Variants in NCALD observed in about 807,000 individuals in gnomAD.
The protein encoded by NCALD is neurocalcin-delta.
In NCALD, 10 loss-of-function variants were observed where a neutral mutation model predicts 18.6. The ratio of observed to expected loss-of-function variants is 0.54; its 90% confidence interval spans 0.33 to 0.91. The LOEUF (loss-of-function observed/expected upper bound fraction) is 0.91. Among genes scored for constraint, NCALD ranks in the 40% least tolerant of loss-of-function variants. NCALD has a pLI of 0.03. For missense variants in NCALD, 184 were observed against 247.6 expected, an observed-to-expected ratio of 0.74 and a Z score of 1.72; for synonymous variants, 88 against 87.4, an observed-to-expected ratio of 1.01 and a Z score of -0.04.
chr8:101,796,921 T>C (rs1812658588), intron 4 of NCALD, among the ~76,000 whole-genome samples: 1 of 152,204 alleles, frequency 6.6e-6, no homozygotes. Flanking sequence ...TAGATGCATT[T>C]TCTGATTGCC....
At chr8:101,964,768 T>A (rs967253915) in intron 2 of NCALD, among the ~76,000 whole-genome samples, 3 of 152,324 alleles carry the variant, frequency 2.0e-5, no homozygotes, top group African/African-American at 7.2e-5. Context: ...AGTCAAGGAT[T>A]CGCCTAATTT....
rs888011540 is a variant in NCALD, at chr8:102,050,839, AT to A, written c.-209-30551del. ...CATTTTTAATTTAATTAATTTAATCATTTTTAATTTAATTAATTAATTTAAT... is the reference window on the plus strand; with the variant it reads ...CATTTTTAATTTAATTAATTTAATCATTTTAATTTAATTAATTAATTTAAT... On this transcript the variant is annotated intron_variant, in intron 1 of 6. Coordinates refer to the NCALD transcript ENST00000311028. Among the ~76,000 whole-genome samples, 24 of 145,984 alleles carry A rather than the reference AT, an allele frequency of 1.6e-4. No homozygotes were observed. In the East Asian group the frequency reaches 4.3e-3, roughly 26 times the overall value.
rs147366762 is a variant in NCALD at position 101,816,143 on chromosome 8, G to T, written c.-20+70998C>A. Among the ~76,000 whole-genome samples, 3 of 152,104 alleles carry T rather than the reference G, an allele frequency of 2.0e-5. No individual in the cohort carries two copies. In the East Asian group the frequency reaches 5.8e-4, roughly 29 times the overall value. On this transcript the variant is annotated intron_variant, in intron 4 of 6. Coordinates refer to the NCALD transcript ENST00000311028. ...AGTGGTTTCCAGAGGGTCAGAGGGAGGCGGATTTACATAGATGGAGCAGAG... is the reference window on the plus strand; with the variant it reads ...AGTGGTTTCCAGAGGGTCAGAGGGATGCGGATTTACATAGATGGAGCAGAG...
At chr8:101,869,702 G>C (rs1306860440) in intron 4 of NCALD, among the ~76,000 whole-genome samples, 1 of 152,072 alleles carries the variant, frequency 6.6e-6, no homozygotes, top group Admixed American at 6.5e-5. Flanking sequence ...TCAAAGTACT[G>C]TTTTAATAGA....
At chr8:101,749,576 T>C (rs1237701952) in intron 1 of NCALD, among the ~76,000 whole-genome samples, 3 of 152,104 alleles carry the variant, frequency 2.0e-5, no homozygotes, top group African/African-American at 4.8e-5. Context: ...ACCTGCAAAA[T>C]AGGGATAATA....
chr8:102,036,328 T>C (rs1364441109), intron 1 of NCALD, among the ~76,000 whole-genome samples: 1 of 150,444 alleles, frequency 6.6e-6, no homozygotes. Flanking sequence ...TAATACTTAA[T>C]ATATATATCA....
intron 2 of NCALD, among the ~76,000 whole-genome samples, chr8:101,952,516 T>C (rs1459635623): frequency 1.3e-5 from 2 of 152,180 alleles, no homozygotes; most frequent in Non-Finnish European, 2.9e-5. Context: ...TCAGCCCTCC[T>C]GGGAGAATCA....
At chr8:101,765,625 G>A (rs1229827886) in intron 1 of NCALD, among the ~76,000 whole-genome samples, 1 of 152,210 alleles carries the variant, frequency 6.6e-6, no homozygotes, top group Non-Finnish European at 1.5e-5. Flanking sequence ...GCTGAAGACA[G>A]GTGGGTGTGT....
chr8:101,825,411 C>T (rs1207656803), intron 4 of NCALD, among the ~76,000 whole-genome samples: 1 of 152,236 alleles, frequency 6.6e-6, no homozygotes, highest in East Asian at 1.9e-4. Context: ...ACAGAGGGTA[C>T]AGTCTCAACG....
At chr8:102,107,217 T>TATATATATATATATAC (rs1825491155) in intron 1 of NCALD, among the ~76,000 whole-genome samples, 2 of 126,522 alleles carry the variant, frequency 1.6e-5, no homozygotes, top group African/African-American at 7.1e-5. Flanking sequence ...TATATATATA[T>TATATATATATATATAC]ATATATATAT....
chr8:102,088,311 C>T (rs1483703066), intron 1 of NCALD, among the ~76,000 whole-genome samples: 1 of 152,134 alleles, frequency 6.6e-6, no homozygotes, highest in African/African-American at 2.4e-5. Context: ...TATTCTCTTC[C>T]CCTCCACAAA....
At chr8:101,980,453 A>T (rs979839639) in intron 2 of NCALD, among the ~76,000 whole-genome samples, 1 of 152,208 alleles carries the variant, frequency 6.6e-6, no homozygotes, top group Non-Finnish European at 1.5e-5. Context: ...CTAGGATCAG[A>T]CCCACGCTTC....
intron 2 of NCALD, among the ~76,000 whole-genome samples, chr8:101,978,821 A>C (rs116444627): frequency 6.6e-6 from 1 of 152,202 alleles, no homozygotes; most frequent in Non-Finnish European, 1.5e-5. Flanking sequence ...AGAAAGCAAG[A>C]AACGAAGAAA....
intron 2 of NCALD, among the ~76,000 whole-genome samples, chr8:101,976,775 C>T (rs1239985698): frequency 2.6e-5 from 4 of 151,908 alleles, no homozygotes; most frequent in African/African-American, 2.4e-5. Context: ...CACAGTCTAC[C>T]CCCCTGCCCT....
chr8:101,782,580 T>A (rs187600517), intron 1 of NCALD, among the ~76,000 whole-genome samples: 1 of 152,186 alleles, frequency 6.6e-6, no homozygotes, highest in Non-Finnish European at 1.5e-5. Context: ...ATAGATTATA[T>A]ATTTTTTCCT....
rs1336617514 is a variant in NCALD, at chr8:101,689,931, C to A, written c.485-525G>T. Among the ~76,000 whole-genome samples, 1 of 152,222 alleles carries A rather than the reference C, an allele frequency of 6.6e-6. No homozygotes were observed. Among genetic ancestry groups the A allele is most frequent in the Non-Finnish European group, 1.5e-5 (1 of 68,036 alleles). On this transcript the variant is annotated intron_variant, in intron 3 of 3. Transcript: ENST00000220931. The surrounding 1 kb of genome is among the most constrained non-coding windows in gnomAD (Gnocchi z 4.4). ...AGCCCATCCTATCTTGGGGAAGAAG[C>A]CGTGGACGTAAGTGTTTGTTCATAC...
chr8:101,760,190 G>T (rs529691883), intron 1 of NCALD, among the ~76,000 whole-genome samples: 2 of 152,098 alleles, frequency 1.3e-5, no homozygotes, highest in Admixed American at 6.6e-5. Context: ...AATTTGTCAC[G>T]CCAAGAACAC....
At chr8:101,690,452 C>T (rs951693393) in intron 3 of NCALD, 12 of 985,450 alleles carry the variant, frequency 1.2e-5, no homozygotes, top group East Asian at 1.1e-4. Flanking sequence ...TGGCTCTGCA[C>T]GCCTGTGGGT....
At chr8:101,765,579 A>G (rs1017710634) in intron 1 of NCALD, among the ~76,000 whole-genome samples, 1 of 152,256 alleles carries the variant, frequency 6.6e-6, no homozygotes, top group Non-Finnish European at 1.5e-5. Context: ...CATGCTCAGA[A>G]TAAGATTTGA....
Sources: allele counts gnomAD v4.1 joint callset (sites outside exome capture counted in the v4.1 genomes callset), GRCh38; gene constraint gnomAD v4.1.1; non-coding constraint Gnocchi (gnomAD v3.1); transcripts MANE v1.5; gene names NCBI Gene and HGNC (gene_info 2026-07-23, HGNC 2026-07-21).